Variants in PPP2R2C observed in about 807,000 individuals in gnomAD.
The protein encoded by PPP2R2C is protein phosphatase 2, regulatory subunit B, gamma.
In PPP2R2C, 10 loss-of-function variants were observed where a neutral mutation model predicts 45.3. The ratio of observed to expected loss-of-function variants is 0.22; its 90% CI spans 0.14 to 0.37. PPP2R2C has a LOEUF of 0.37. Ranked by LOEUF, PPP2R2C falls within the 10% of genes least tolerant of loss-of-function variation. The pLI, the probability that PPP2R2C is intolerant of heterozygous loss-of-function variation, is 1.00. For synonymous variants in PPP2R2C, 257 were observed against 245.4 expected, an observed-to-expected ratio of 1.05 and a Z score of -0.44; for missense variants, 308 against 619.7, an observed-to-expected ratio of 0.50 and a Z score of 5.34.
chr4:6,381,819 A>G (rs758477881), intron 1 of PPP2R2C: 1 of 1,613,902 alleles, frequency 6.2e-7, no homozygotes, highest in East Asian at 2.2e-5. Flanking sequence ...TGGATGGGCA[A>G]GTGTTTGGAG....
At chr4:6,531,926 C>T (rs1724415781) in intron 2 of PPP2R2C, among the ~76,000 whole-genome samples, 1 of 152,204 alleles carries the variant, frequency 6.6e-6, no homozygotes, top group Non-Finnish European at 1.5e-5. Flanking sequence ...CATGTATTCA[C>T]ATCGGTCTTC....
rs1171061062 is a variant in PPP2R2C, at chr4:6,320,858, C to T, written c.*2444G>A. The T allele has an allele frequency of 2.0e-5, 3 of 152,050 alleles. No homozygotes were observed. Among genetic ancestry groups the T allele is most frequent in the Non-Finnish European group, 4.4e-5 (3 of 68,028 alleles). 9.4% of individuals were successfully genotyped at this position (152,050 alleles called of 1,614,324 possible). A position where few individuals can be genotyped will look rare whatever the true frequency, so the allele number is the denominator to read the frequency against. The stretch of plus-strand genomic sequence containing the variant: ...CAACTTCACAATGACTATGTGAACG[C>T]CCGTACATTCGAGAGTACCAGGAAA... On this transcript the variant is annotated 3_prime_UTR_variant, in exon 9 of 9. Coordinates refer to ENST00000382599, the MANE Select transcript of PPP2R2C (RefSeq NM_020416.4).
intron 1 of PPP2R2C, among the ~76,000 whole-genome samples, chr4:6,547,356 G>C (rs1269826061): frequency 6.6e-6 from 1 of 151,764 alleles, no homozygotes; most frequent in African/African-American, 2.4e-5. Context: ...TTTCCTGAGT[G>C]TCTCGGTGAA....
At chr4:6,541,633 G>A (rs1024976316) in intron 1 of PPP2R2C, among the ~76,000 whole-genome samples, 1 of 152,120 alleles carries the variant, frequency 6.6e-6, no homozygotes, top group African/African-American at 2.4e-5. Context: ...TGCAACCTCT[G>A]CCTCCCAGGT....
Position 6,333,911 on chromosome 4 carries a change from A to C in PPP2R2C, c.791-180T>G, listed in dbSNP as rs138514207. ...AGCCTGGTAAGATTCTGTGCTGTGC[A>C]GAAATAGCCATTACTATCCCCATTC... is the stretch of plus-strand genomic sequence containing the variant. On this transcript the variant is annotated intron_variant, in intron 6 of 8. Transcript: ENST00000382599. Among the ~76,000 whole-genome samples the C allele has an allele frequency of 3.0e-3, 464 of 152,348 alleles. 3 individuals are homozygous for C. The highest frequency in any genetic ancestry group is 0.01 in the African/African-American group (431 of 41,580).
At chr4:6,476,421 G>A (rs920883615), upstream of PPP2R2C, among the ~76,000 whole-genome samples, 8 of 152,108 alleles carry the variant, frequency 5.3e-5, no homozygotes, top group East Asian at 1.9e-4. Flanking sequence ...GGGATTAGCC[G>A]CCTTATAAGA....
Position 6,517,873 on chromosome 4 carries a change from GC to G in PPP2R2C, c.49+17397del, listed in dbSNP as rs530877085. On this transcript the variant is annotated intron_variant, in intron 2 of 9. Coordinates refer to the PPP2R2C transcript ENST00000506140. ...ATATTACCTGGGAAGTTGGTACTTT[GC>G]CCCCTGCTCTACAGATGATAAAACT... Among the ~76,000 whole-genome samples, 1,039 of 152,236 alleles carry G rather than the reference GC, an allele frequency of 6.8e-3. 13 individuals carry two copies. The highest frequency in any genetic ancestry group is 0.024 in the African/African-American group (999 of 41,510).
At chr4:6,517,820 T>C (rs11933395) in intron 2 of PPP2R2C, among the ~76,000 whole-genome samples, 7,447 of 152,160 alleles carry the variant, frequency 0.049, 598 homozygotes, top group African/African-American at 0.17. Flanking sequence ...CCAATACCAG[T>C]TCCCCTACCT....
At chr4:6,455,453 T>A (rs923071324) in intron 1 of PPP2R2C, among the ~76,000 whole-genome samples, 2 of 152,192 alleles carry the variant, frequency 1.3e-5, no homozygotes, top group African/African-American at 4.8e-5. Flanking sequence ...GTCACACTCC[T>A]GTGGTCTTGC....
At chr4:6,343,425 A>C (rs1478069540) in intron 6 of PPP2R2C, among the ~76,000 whole-genome samples, 1 of 152,244 alleles carries the variant, frequency 6.6e-6, no homozygotes, top group African/African-American at 2.4e-5. Flanking sequence ...TAATCAAAAA[A>C]GAAATTAAGC....
rs1016382497 is a variant in PPP2R2C, at chr4:6,382,481, G to A, written c.71-1387C>T. 7.4e-6 allele frequency: 10 copies of A among 1,351,998 alleles called. No homozygotes were observed. The South Asian group carries it at 1.0e-4, about 14-fold the overall frequency. 83.8% of individuals were successfully genotyped at this position (1,351,998 alleles called of 1,614,324 possible). On this transcript the variant is annotated intron_variant, in intron 1 of 8. Transcript: ENST00000382599. The stretch of plus-strand genomic sequence containing the variant: ...AACTCCTGAGCCAGTGCATCCCTGT[G>A]TCCCTCTATTCAAAACCCTTCATTG...
intron 5 of PPP2R2C, 143 bp from the exon 6 acceptor site, chr4:6,348,153 G>T: frequency 1.1e-6 from 1 of 936,268 alleles, no homozygotes; most frequent in South Asian, 1.6e-5. Context: ...CCCTCAAAAT[G>T]CGTCCCCCTG....
intron 2 of PPP2R2C, chr4:6,535,148 T>A: frequency 3.5e-6 from 4 of 1,148,774 alleles, no homozygotes; most frequent in Non-Finnish European, 5.0e-6. Flanking sequence ...AGGGACCGGA[T>A]CCCAGCACGG....
At chr4:6,422,314 T>C (rs1285560816) in intron 1 of PPP2R2C, among the ~76,000 whole-genome samples, 4 of 152,232 alleles carry the variant, frequency 2.6e-5, no homozygotes, top group Non-Finnish European at 5.9e-5. Context: ...GGCACACTAG[T>C]GGACCAGGGT....
chr4:6,511,573 ATGGCGG>A (rs1723503177), intron 2 of PPP2R2C, among the ~76,000 whole-genome samples: 1 of 1,974 alleles, frequency 5.1e-4, no homozygotes. Flanking sequence ...GGTGGTGGTG[ATGGCGG>A]TGGTGGTGGT....
At chr4:6,336,822 T>TC (rs1732962653) in intron 6 of PPP2R2C, among the ~76,000 whole-genome samples, 1 of 22,324 alleles carries the variant, frequency 4.5e-5, no homozygotes, top group Non-Finnish European at 8.7e-5. Context: ...CCTCCCTCCC[T>TC]CCTTCCCTCC....
Position 6,345,203 on chromosome 4 carries a change from A to C in PPP2R2C, c.790+2643T>G, listed in dbSNP as rs1711729575. Among the ~76,000 whole-genome samples, 1 of 151,780 alleles carries C rather than the reference A, an allele frequency of 6.6e-6. No individual in the cohort carries two copies. Among genetic ancestry groups the C allele is most frequent in the Admixed American group, 6.6e-5 (1 of 15,232 alleles). ...CAGCAGCGGACCAGGAGCAGGAAGA[A>C]CCCCCTCTCTTCCCCAATATTCTCC... On this transcript the variant is annotated intron_variant, in intron 6 of 8. Transcript: ENST00000382599. This position sits in a 1 kb window ranked among gnomAD's most constrained non-coding sequence, Gnocchi z 5.3.
intron 5 of PPP2R2C, chr4:6,350,530 G>A (rs1378077422): frequency 1.0e-6 from 1 of 985,276 alleles, no homozygotes; most frequent in Non-Finnish European, 1.2e-6. Flanking sequence ...CAGGAGTTCT[G>A]TTTGCGTCAT....
At chr4:6,347,788 ATCCCACCCGCCCGCCTGCCCAATGCAC>A in intron 6 of PPP2R2C, 31 bp downstream of exon 6, 1 of 1,328,040 alleles carries the variant, frequency 7.5e-7, no homozygotes. Flanking sequence ...AGGACAGGAC[ATCCCACCCGCCCGCCTGCCCAATGCAC>A]AGCCCCCCAC....
Sources: allele counts gnomAD v4.1 joint callset (sites outside exome capture counted in the v4.1 genomes callset), GRCh38; gene constraint gnomAD v4.1.1; non-coding constraint Gnocchi (gnomAD v3.1); transcripts MANE v1.5; gene names NCBI Gene and HGNC (gene_info 2026-07-23, HGNC 2026-07-21).